Variants in EML1 observed in about 807,000 individuals in gnomAD.
The protein encoded by EML1 is echinoderm microtubule-associated protein-like 1.
A neutral mutation model predicts 110.4 loss-of-function variants in EML1; 27 were observed. The observed-to-expected ratio is 0.24, with a 90% CI of 0.18 to 0.34. EML1 has a LOEUF of 0.34. Among genes scored for constraint, EML1 ranks in the 10% least tolerant of loss-of-function variants. The pLI, the probability that EML1 is intolerant of heterozygous loss-of-function variation, is 1.00. For missense variants in EML1, 741 were observed against 1,030.9 expected (o/e 0.72, Z 3.85); for synonymous variants, 344 against 385.8 (o/e 0.89, Z 1.27).
Position 99,939,190 on chromosome 14 carries a change from G to A in EML1, c.2192-7G>A. The A allele has an allele frequency of 6.2e-7, 1 of 1,614,058 alleles. No homozygotes were observed. Among genetic ancestry groups the A allele is most frequent in the Non-Finnish European group, 8.5e-7 (1 of 1,179,954 alleles). The stretch of plus-strand genomic sequence containing the variant: ...TTCCAGCGCCCTGTTTGTGGTCTTT[G>A]TTTTAGGAGTGTGGCCAGAAGGCTC... On this transcript the variant is annotated splice_polypyrimidine_tract_variant and splice_region_variant and intron_variant, in intron 20 of 21. Coordinates refer to ENST00000262233, the MANE Select transcript of EML1 (RefSeq NM_004434.3). The surrounding 1 kb of genome is among the most constrained non-coding windows in gnomAD (Gnocchi z 4.2).
At chr14:99,908,316 C>A (rs1416267648) in intron 10 of EML1, among the ~76,000 whole-genome samples, 1 of 152,238 alleles carries the variant, frequency 6.6e-6, no homozygotes, top group African/African-American at 2.4e-5. Context: ...TGTCAAATTC[C>A]CTTGCCTTGA....
chr14:99,809,895 TGG>T (rs1434894037), intron 1 of EML1, among the ~76,000 whole-genome samples: 1 of 152,226 alleles, frequency 6.6e-6, no homozygotes, highest in African/African-American at 2.4e-5. Flanking sequence ...GTGTATGCCC[TGG>T]ACTTCCGTTT....
intron 1 of EML1, among the ~76,000 whole-genome samples, chr14:99,818,820 G>A (rs2058213634): frequency 1.3e-5 from 2 of 152,174 alleles, no homozygotes; most frequent in Admixed American, 6.5e-5. Flanking sequence ...GTTTTAGGAG[G>A]AGGGAAACCT....
chr14:99,907,293 A>G (rs531496495), intron 9 of EML1: 4 of 216,474 alleles, frequency 1.8e-5, no homozygotes, highest in African/African-American at 7.0e-5. Context: ...GGGAGATCCC[A>G]TCTCTACAAA....
At chr14:99,755,771 G>T (rs1402059107) in intron 1 of EML1, among the ~76,000 whole-genome samples, 1 of 152,190 alleles carries the variant, frequency 6.6e-6, no homozygotes, top group Non-Finnish European at 1.5e-5. Context: ...GGCAGGGTGG[G>T]GAAACTGTGT....
In EML1 at chr14:99,828,323, CG is replaced by C. The variant is rs555287719; in HGVS notation, c.68-22529del. Reference sequence around the variant, plus strand: ...TGAGTGGCAGGATGAAACCTTGTGCCGTCTGCTTTCATCCCTTTGTCCCATG... The same window carrying C: ...TGAGTGGCAGGATGAAACCTTGTGCCTCTGCTTTCATCCCTTTGTCCCATG... On this transcript the variant is annotated intron_variant, in intron 1 of 21. Coordinates refer to ENST00000262233, the MANE Select transcript of EML1 (RefSeq NM_004434.3). Among the ~76,000 whole-genome samples, 7 of 152,182 alleles carry C rather than the reference CG, an allele frequency of 4.6e-5. No homozygotes were observed. In the East Asian group the frequency reaches 1.4e-3, roughly 29 times the overall value.
chr14:99,897,313 C>T lies in EML1; in HGVS notation c.827+19C>T, dbSNP rs1263249698. 6.4e-7 allele frequency: 1 copy of T among 1,572,800 alleles called. No individual in the cohort carries two copies. The highest frequency in any genetic ancestry group is 1.8e-5 in the Admixed American group (1 of 55,248). On this transcript the variant is annotated intron_variant, in intron 7 of 21. Coordinates refer to ENST00000262233, the MANE Select transcript of EML1 (RefSeq NM_004434.3). The stretch of plus-strand genomic sequence containing the variant: ...TGAAGTGGTAAGTCCTGAAACAGGT[C>T]ATTCCTGCGACTCAGAAGGCGAAGG...
chr14:99,804,882 C>G (rs1411812057), intron 1 of EML1, among the ~76,000 whole-genome samples: 1 of 152,192 alleles, frequency 6.6e-6, no homozygotes, highest in Admixed American at 6.5e-5. Flanking sequence ...GGGTTCAGGG[C>G]CGATTCTGGG....
At position 99,939,250 on chromosome 14, in the gene EML1, C is replaced by T. The variant is rs762125675; in HGVS notation, c.2245C>T (p.His749Tyr). 6.2e-7 allele frequency: 1 copy of T among 1,614,214 alleles called. No homozygotes were observed. ...CGACATCAATGCCGTCTGTCGGGCC[C>T]ATGAGAAGAAACTCCTGTCAACAGG... ...GTDINAVCRAHEKKLLSTGDD... is the reference protein window; with the variant it reads ...GTDINAVCRAYEKKLLSTGDD... The change falls in exon 21 of 22, where the codon CAT (histidine) becomes TAT (tyrosine). Residue 749 changes from histidine (H) to tyrosine (Y), a missense_variant. His to Tyr is a moderately conservative substitution (Grantham distance 83). This residue lies in a region of EML1 where 114 missense variants were observed against 122.5 expected (regional missense o/e 0.93). Transcript: ENST00000262233. The surrounding 1 kb of genome is among the most constrained non-coding windows in gnomAD (Gnocchi z 4.2).
intron 1 of EML1, among the ~76,000 whole-genome samples, chr14:99,764,437 G>A (rs775061425): frequency 1.4e-4 from 21 of 152,242 alleles, no homozygotes; most frequent in Non-Finnish European, 1.5e-4. Context: ...TCCTGGCCGA[G>A]GCAGAGCCCT....
chr14:99,865,585 A>G lies in EML1; in HGVS notation c.322A>G (p.Thr108Ala). 3.7e-6 allele frequency: 6 copies of G among 1,614,232 alleles called. No individual in the cohort carries two copies. The highest frequency in any genetic ancestry group is 1.3e-5 in the African/African-American group (1 of 75,064). Residue 108 changes from threonine (T) to alanine (A), a missense_variant, in exon 3 of 22, where the codon ACT becomes GCT. Coordinates refer to ENST00000262233, the MANE Select transcript of EML1 (RefSeq NM_004434.3). Reference protein sequence around the residue: ...NNGTVLPKKPTGSLPSPSGVR... With the variant: ...NNGTVLPKKPAGSLPSPSGVR... ...TGGCACTGTGTTACCAAAGAAACCT[A>G]CTGGCTCTCTACCATCCCCCTCCGG... is the stretch of plus-strand genomic sequence containing the variant.
At chr14:99,868,575 C>G (rs1343203401) in intron 3 of EML1, among the ~76,000 whole-genome samples, 4 of 152,070 alleles carry the variant, frequency 2.6e-5, no homozygotes, top group African/African-American at 9.7e-5. Flanking sequence ...TCCATTTGCT[C>G]TAGGTCACCC....
intron 1 of EML1, among the ~76,000 whole-genome samples, chr14:99,778,238 A>T (rs768718769): frequency 6.6e-6 from 1 of 152,224 alleles, no homozygotes; most frequent in Non-Finnish European, 1.5e-5. Context: ...TCAGAATTTT[A>T]AAATTTGGCC....
chr14:99,882,054 T>G (rs2059394491), intron 4 of EML1, among the ~76,000 whole-genome samples: 1 of 152,226 alleles, frequency 6.6e-6, no homozygotes, highest in East Asian at 1.9e-4. Context: ...CCACAAAATT[T>G]TAACAGCATT....
chr14:99,918,286 G>A (rs1328268313), intron 16 of EML1, among the ~76,000 whole-genome samples: 1 of 152,104 alleles, frequency 6.6e-6, no homozygotes, highest in East Asian at 1.9e-4. Context: ...TTGTAGAGAC[G>A]CAGGTCTCAC....
chr14:99,888,675 T>C (rs1355248021), intron 4 of EML1, among the ~76,000 whole-genome samples: 2 of 152,214 alleles, frequency 1.3e-5, no homozygotes, highest in Non-Finnish European at 2.9e-5. Flanking sequence ...GTATCTACAG[T>C]ATCATAGCTA....
At chr14:99,739,463 G>A (rs980561045) in intron 1 of EML1, among the ~76,000 whole-genome samples, 5 of 152,208 alleles carry the variant, frequency 3.3e-5, no homozygotes, top group South Asian at 2.1e-4. Flanking sequence ...ACGTGTGTGC[G>A]CAGCCTGGAG....
chr14:99,935,529 A>C (rs974813551), intron 17 of EML1, among the ~76,000 whole-genome samples: 1 of 152,124 alleles, frequency 6.6e-6, no homozygotes, highest in Non-Finnish European at 1.5e-5. Context: ...TCACACCTTA[A>C]TCCCAGCACT....
intron 1 of EML1, among the ~76,000 whole-genome samples, chr14:99,848,046 A>T (rs1339237165): frequency 6.6e-6 from 1 of 151,916 alleles, no homozygotes; most frequent in African/African-American, 2.4e-5. Flanking sequence ...ATTGGGTTTG[A>T]GTTTAGCATT....
Sources: gnomAD v4.1 joint callset for allele counts (sites outside exome capture counted in the v4.1 genomes callset) on GRCh38, gnomAD v4.1.1 for gene constraint, gnomAD v4.1.1 regional missense constraint, Gnocchi (gnomAD v3.1) non-coding constraint, MANE v1.5 for transcripts, NCBI Gene and HGNC (gene_info 2026-07-23, HGNC 2026-07-21) for gene names.